Variants in SULF1 observed in about 807,000 individuals in gnomAD.
The protein encoded by SULF1 is sulfatase 1, also known as extracellular sulfatase Sulf-1.
In SULF1, 46 loss-of-function variants were observed where a neutral mutation model predicts 110.5. That is an observed-to-expected ratio of 0.42 (90% confidence interval 0.33 to 0.53). The LOEUF (loss-of-function observed/expected upper bound fraction) is 0.53. Ranked by LOEUF, SULF1 falls within the 20% of genes least tolerant of loss-of-function variation. The probability of loss-of-function intolerance (pLI) is 0.12; values close to 1 mark genes in which losing one functional copy is unlikely to be tolerated. For synonymous variants in SULF1, 371 were observed against 387.1 expected, an observed-to-expected ratio of 0.96 and a Z score of 0.49; for missense variants, 941 against 1,094.2, an observed-to-expected ratio of 0.86 and a Z score of 1.98.
At chr8:69,581,204 A>G (rs1288791029) in intron 6 of SULF1, among the ~76,000 whole-genome samples, 25 of 152,214 alleles carry the variant, frequency 1.6e-4, no homozygotes, top group Non-Finnish European at 1.5e-5. Context: ...AATTATTTAT[A>G]TTTATAGTTA....
chr8:69,491,399 C>G (rs1809935462), upstream of SULF1, among the ~76,000 whole-genome samples: 2 of 152,126 alleles, frequency 1.3e-5, 1 homozygote, highest in South Asian at 4.1e-4. Context: ...GTCCCAGAAG[C>G]CAGTGATGTC....
intron 3 of SULF1, among the ~76,000 whole-genome samples, chr8:69,547,702 C>T (rs977723804): frequency 2.6e-5 from 4 of 152,118 alleles, no homozygotes; most frequent in Non-Finnish European, 5.9e-5. Context: ...GAGTTGCCAA[C>T]ACATTTTGAA....
intron 22 of SULF1, among the ~76,000 whole-genome samples, chr8:69,652,923 C>T (rs960136929): frequency 6.6e-6 from 1 of 152,104 alleles, no homozygotes; most frequent in Non-Finnish European, 1.5e-5. Flanking sequence ...ATTTGCAAAT[C>T]GTTCTTTGCT....
At chr8:69,620,339 G>A (rs1016003710) in intron 13 of SULF1, among the ~76,000 whole-genome samples, 3 of 152,128 alleles carry the variant, frequency 2.0e-5, no homozygotes, top group Non-Finnish European at 4.4e-5. Flanking sequence ...CAACTTTTGG[G>A]GTGCAAAAAC....
rs539459989 is a variant in SULF1, at chr8:69,541,538, G to A, written c.-133-22001G>A. 1.1e-4 allele frequency among the ~76,000 whole-genome samples: 16 copies of A among 152,348 alleles called. 1 individual carries two copies. In the South Asian group the frequency reaches 3.3e-3, roughly 32 times the overall value. ...AAATGCATCATATGTGAAAGAGAAGGAAGAGAAAGTAGAAACGAAAGACGT... is the reference window on the plus strand; with the variant it reads ...AAATGCATCATATGTGAAAGAGAAGAAAGAGAAAGTAGAAACGAAAGACGT... On this transcript the variant is annotated intron_variant, in intron 3 of 22. Transcript: ENST00000402687.
chr8:69,600,780 T>TA, intron 9 of SULF1, 27 bp downstream of exon 9: 1 of 1,604,260 alleles, frequency 6.2e-7, no homozygotes, highest in Non-Finnish European at 8.5e-7. Flanking sequence ...ACCTCAGTGA[T>TA]AGTTTTTGGC....
intron 19 of SULF1, among the ~76,000 whole-genome samples, chr8:69,631,102 G>A (rs1810505804): frequency 6.6e-6 from 1 of 152,174 alleles, no homozygotes; most frequent in Non-Finnish European, 1.5e-5. Context: ...CTAAAGGATA[G>A]AGAGAAGCGA....
chr8:69,607,201 A>T (rs1222391887), intron 13 of SULF1, among the ~76,000 whole-genome samples: 1 of 152,224 alleles, frequency 6.6e-6, no homozygotes, highest in East Asian at 1.9e-4. Context: ...GGTGACTCTG[A>T]TGCTCCCTAA....
chr8:69,489,293 G>A (rs1018278515), upstream of SULF1, among the ~76,000 whole-genome samples: 2 of 152,126 alleles, frequency 1.3e-5, no homozygotes, highest in African/African-American at 4.8e-5. Context: ...GGGAGTTTAA[G>A]CAATTTTTCT....
intron 22 of SULF1, chr8:69,641,082 G>A: frequency 2.6e-6 from 1 of 383,308 alleles, no homozygotes; most frequent in Non-Finnish European, 4.6e-6. Flanking sequence ...ATGCTTGTTT[G>A]CTTGTTGGAT....
At chr8:69,608,118 G>A (rs1306137014) in intron 13 of SULF1, among the ~76,000 whole-genome samples, 3 of 152,228 alleles carry the variant, frequency 2.0e-5, no homozygotes, top group Non-Finnish European at 4.4e-5. Context: ...ACAGAGAAAA[G>A]AGATCCAAAG....
chr8:69,566,811 T>C (rs778626091), intron 5 of SULF1, among the ~76,000 whole-genome samples: 15 of 152,116 alleles, frequency 9.9e-5, no homozygotes, highest in Non-Finnish European at 1.5e-4. Context: ...GATCACACCA[T>C]TGCACTCCAG....
intron 17 of SULF1, 150 bp from the exon 18 acceptor site, chr8:69,628,021 A>G: frequency 1.1e-6 from 1 of 878,094 alleles, no homozygotes; most frequent in Non-Finnish European, 1.8e-6. Flanking sequence ...ATATGCTTAA[A>G]CTTAAGCAGA....
intron 1 of SULF1, among the ~76,000 whole-genome samples, chr8:69,475,051 G>A (rs887455853): frequency 1.6e-4 from 25 of 152,004 alleles, no homozygotes; most frequent in African/African-American, 5.8e-4. Context: ...TATAATGAAG[G>A]TGGCCACTTG....
chr8:69,538,942 C>T (rs1240321514), intron 3 of SULF1, among the ~76,000 whole-genome samples: 2 of 152,206 alleles, frequency 1.3e-5, no homozygotes, highest in Non-Finnish European at 2.9e-5. Flanking sequence ...CTGCCGGCTT[C>T]GGCCTCCCAA....
rs76052757 is a variant in SULF1 at position 69,640,974 on chromosome 8, T to A, written c.2585+133T>A. 2,857 of 690,188 alleles carry A rather than the reference T, an allele frequency of 4.1e-3. 59 individuals carry two copies. In the African/African-American group the frequency reaches 0.047, roughly 11 times the overall value. The allele number at this position is 690,188 out of a possible 1,614,324, so 42.8% of individuals were successfully genotyped here. ...GGGGTGCATGCTTGTTCTAACAGCA[T>A]TCTCCACTATGTTTTGTCATTGATC... On this transcript the variant is annotated intron_variant, in intron 22 of 22. Transcript: ENST00000402687.
At chr8:69,594,978 A>G (rs1023776275) in intron 8 of SULF1, among the ~76,000 whole-genome samples, 2 of 152,240 alleles carry the variant, frequency 1.3e-5, no homozygotes, top group East Asian at 3.8e-4. Flanking sequence ...CCTGGTGGAC[A>G]TGCCTTCGGA....
chr8:69,627,621 A>G (rs1394987819), intron 16 of SULF1, 151 bp from the exon 17 acceptor site: 6 of 674,082 alleles, frequency 8.9e-6, no homozygotes, highest in Non-Finnish European at 1.6e-5. Flanking sequence ...GTCTATATAG[A>G]CATATTCTAT....
In SULF1 at chr8:69,493,117, G is replaced by T. The variant is rs781640050; in HGVS notation, c.-399G>T. ...TTTTTCTCTAGAGAAGATTTTGAAG[G>T]CGGCTTTTGTAAGTATCGTGCTCTG... is the stretch of plus-strand genomic sequence containing the variant. On this transcript the variant is annotated 5_prime_UTR_variant, in exon 1 of 23. Transcript: ENST00000402687. 1 of 152,624 alleles carries T rather than the reference G, an allele frequency of 6.6e-6. No homozygotes were observed. The highest frequency in any genetic ancestry group is 1.5e-5 in the Non-Finnish European group (1 of 68,044). 9.5% of individuals were successfully genotyped at this position (152,624 alleles called of 1,614,324 possible).
Sources: allele counts gnomAD v4.1 joint callset (sites outside exome capture counted in the v4.1 genomes callset), GRCh38; gene constraint gnomAD v4.1.1; transcripts MANE v1.5; gene names NCBI Gene and HGNC (gene_info 2026-07-23, HGNC 2026-07-21).